Variants in PCDHA4 observed in about 807,000 individuals in gnomAD.
PCDHA4 encodes the protein protocadherin alpha 4, also known as protocadherin alpha-4.
A neutral mutation model predicts 61.4 loss-of-function variants in PCDHA4; 49 were observed. The ratio of observed to expected loss-of-function variants is 0.80; its 90% confidence interval spans 0.63 to 1.01. The LOEUF (loss-of-function observed/expected upper bound fraction) is 1.01. Among genes scored for constraint, PCDHA4 ranks in the 50% least tolerant of loss-of-function variants. PCDHA4 has a pLI of 0.00. For synonymous variants in PCDHA4, 590 were observed against 550.3 expected (o/e 1.07, Z -1.01); for missense variants, 1,254 against 1,235.8 (o/e 1.01, Z -0.22).
chr5:140,841,278 T>A, intron 1 of PCDHA4: 5 of 1,521,548 alleles, frequency 3.3e-6, no homozygotes, highest in Non-Finnish European at 3.5e-6. Context: ...GTCGTTCATC[T>A]TTATATTAAG....
rs374520361 is a variant in PCDHA4, at chr5:140,870,742, A to C, written c.2385+61170A>C. 10 of 1,613,406 alleles carry C rather than the reference A, an allele frequency of 6.2e-6. No homozygotes were observed. In the African/African-American group the frequency reaches 1.1e-4, roughly 17 times the overall value. On this transcript the variant is annotated intron_variant, in intron 1 of 3. Transcript: ENST00000530339. ...TGCGGGCGTGCCGCCTCTGAGCAGC[A>C]ACGTGACGCTGCAGGTGTTCGTGCT...
At chr5:140,884,941 C>T (rs1326188943) in intron 1 of PCDHA4, among the ~76,000 whole-genome samples, 1 of 152,116 alleles carries the variant, frequency 6.6e-6, no homozygotes, top group Admixed American at 6.5e-5. Context: ...TGCAATTGAG[C>T]ATTTACAAAA....
At chr5:140,843,932 T>A (rs1404352255) in intron 1 of PCDHA4, 1 of 583,528 alleles carries the variant, frequency 1.7e-6, no homozygotes, top group Admixed American at 3.5e-5. Flanking sequence ...ACTCAAGTTA[T>A]GGTTGGATGA....
rs370156477 is a variant in PCDHA4 at position 140,876,942 on chromosome 5, G to A, written c.2385+67370G>A. The A allele has an allele frequency of 2.2e-5, 35 of 1,613,660 alleles. 1 individual carries two copies. In the African/African-American group the frequency reaches 4.4e-4, roughly 20 times the overall value. On this transcript the variant is annotated intron_variant, in intron 1 of 3. Transcript: ENST00000530339. ...CGGACGCGCAGAAGAACGCGCTGGT[G>A]TCCTACTCGCTGGTGGAGCGGCGGG...
At chr5:140,928,532 A>G (rs781788985) in intron 1 of PCDHA4, 42 of 1,614,110 alleles carry the variant, frequency 2.6e-5, no homozygotes, top group Middle Eastern at 1.6e-4. Flanking sequence ...TTTGTGGTAG[A>G]TAGGAATGAC....
intron 1 of PCDHA4, chr5:140,929,206 C>T (rs1554206828): frequency 2.5e-6 from 4 of 1,614,018 alleles, no homozygotes; most frequent in Non-Finnish European, 1.7e-6. Flanking sequence ...TTTGCTGTTG[C>T]GTGGGGAGTA....
chr5:140,861,736 A>G (rs1380894393), intron 1 of PCDHA4: 2 of 188,606 alleles, frequency 1.1e-5, no homozygotes, highest in Non-Finnish European at 1.1e-5. Context: ...TGACTTACAT[A>G]CTGTGCCGCA....
At chr5:140,999,551 G>C (rs1189671768) in intron 3 of PCDHA4, among the ~76,000 whole-genome samples, 3 of 152,088 alleles carry the variant, frequency 2.0e-5, no homozygotes, top group East Asian at 1.9e-4. Context: ...CAATGAAGAG[G>C]GGGTATTTTG....
At chr5:140,955,470 G>C (rs1459601597) in intron 1 of PCDHA4, among the ~76,000 whole-genome samples, 2 of 151,850 alleles carry the variant, frequency 1.3e-5, no homozygotes, top group African/African-American at 4.8e-5. Context: ...CTTTTTGCTT[G>C]GCACCTCTCC....
chr5:140,869,284 C>T, intron 1 of PCDHA4: 1 of 1,613,582 alleles, frequency 6.2e-7, no homozygotes, highest in Non-Finnish European at 8.5e-7. Flanking sequence ...GGAGCTGGTG[C>T]AGCGCCTGTT....
intron 1 of PCDHA4, chr5:140,824,081 T>G (rs781799131): frequency 6.2e-7 from 1 of 1,614,124 alleles, no homozygotes; most frequent in Non-Finnish European, 8.5e-7. Context: ...ACAGACCTCA[T>G]GGCCTTCAGT....
rs569740487 is a variant in PCDHA4, at chr5:140,970,470, G to A, written c.2386-8479G>A. On this transcript the variant is annotated intron_variant, in intron 1 of 3. Transcript: ENST00000530339. Reference sequence around the variant, plus strand: ...AGTTTTGAGATTTAAGTAGGTATAAGGCCAGCTTGTTCATTATTATGAAGA... The same window carrying A: ...AGTTTTGAGATTTAAGTAGGTATAAAGCCAGCTTGTTCATTATTATGAAGA... Among the ~76,000 whole-genome samples the A allele has an allele frequency of 2.6e-5, 4 of 152,238 alleles. No homozygotes were observed. In the South Asian group the frequency reaches 8.3e-4, roughly 32 times the overall value.
intron 1 of PCDHA4, chr5:140,829,432 C>T (rs1446310699): frequency 2.5e-6 from 4 of 1,613,988 alleles, no homozygotes; most frequent in Non-Finnish European, 3.4e-6. Context: ...AGGTGGCCGA[C>T]ATGAATGACA....
At chr5:140,950,429 T>TGTA (rs1554219455) in intron 1 of PCDHA4, among the ~76,000 whole-genome samples, 5 of 151,900 alleles carry the variant, frequency 3.3e-5, no homozygotes, top group African/African-American at 1.2e-4. Flanking sequence ...TTCTTCCACT[T>TGTA]AAAAAAAATG....
intron 1 of PCDHA4, chr5:140,842,932 G>A: frequency 1.3e-6 from 2 of 1,594,566 alleles, no homozygotes; most frequent in East Asian, 2.2e-5. Flanking sequence ...AGGTGAGCGC[G>A]CGCGACGCGG....
chr5:140,857,804 G>A, intron 1 of PCDHA4: 1 of 1,597,858 alleles, frequency 6.3e-7, no homozygotes, highest in Non-Finnish European at 8.6e-7. Context: ...GTCGGTGGTT[G>A]CGGGTCACGT....
intron 1 of PCDHA4, among the ~76,000 whole-genome samples, chr5:140,903,594 A>G (rs868958257): frequency 3.3e-5 from 5 of 152,238 alleles, no homozygotes; most frequent in South Asian, 2.1e-4. Flanking sequence ...TTGGCCTGAT[A>G]AATGCTTAAT....
intron 1 of PCDHA4, chr5:140,823,118 A>T: frequency 6.2e-7 from 1 of 1,614,030 alleles, no homozygotes; most frequent in Non-Finnish European, 8.5e-7. Flanking sequence ...GCCGACGTGA[A>T]CGACAACGCT....
At chr5:140,871,228 CTCCTGG>C in intron 1 of PCDHA4, 1 of 1,613,938 alleles carries the variant, frequency 6.2e-7, no homozygotes, top group Non-Finnish European at 8.5e-7. Context: ...GGTGTCCAGC[CTCCTGG>C]TACTCACGCT....
Sources: allele counts gnomAD v4.1 joint callset (sites outside exome capture counted in the v4.1 genomes callset), GRCh38; gene constraint gnomAD v4.1.1; transcripts MANE v1.5; gene names NCBI Gene and HGNC (gene_info 2026-07-23, HGNC 2026-07-21).